Variants in LYRM4 observed in about 807,000 individuals in gnomAD.
The protein encoded by LYRM4 is LYR motif containing 4.
A neutral mutation model predicts 11.7 loss-of-function variants in LYRM4; 9 were observed. The ratio of observed to expected loss-of-function variants is 0.77; its 90% CI spans 0.46 to 1.34. LYRM4 has a LOEUF of 1.34. Ranked by LOEUF, LYRM4 falls within the 40% of genes most tolerant of loss-of-function variation. The pLI is 0.00. For missense variants in LYRM4, 133 were observed against 112.5 expected (o/e 1.18, Z -0.82); for synonymous variants, 42 against 40.4 (o/e 1.04, Z -0.15).
At chr6:5,253,029 T>C (rs1000533767) in intron 1 of LYRM4, among the ~76,000 whole-genome samples, 11 of 152,240 alleles carry the variant, frequency 7.2e-5, no homozygotes, top group Non-Finnish European at 1.6e-4. Flanking sequence ...CTATGGCCTT[T>C]CCTTTGTACT....
At chr6:5,051,989 T>C in the LYRM4 span, among the ~76,000 whole-genome samples, 1 of 152,174 alleles carries the variant, frequency 6.6e-6, no homozygotes, top group Non-Finnish European at 1.5e-5. Context: ...AATCTATTCA[T>C]GAAGTGTCTG....
the LYRM4 span, among the ~76,000 whole-genome samples, chr6:5,052,798 A>T: frequency 6.6e-6 from 1 of 152,232 alleles, no homozygotes; most frequent in African/African-American, 2.4e-5. Context: ...GAGGCAGCTT[A>T]TGCTGTCTAA....
intron 2 of LYRM4, among the ~76,000 whole-genome samples, chr6:5,154,640 C>A (rs761341151): frequency 6.6e-6 from 1 of 152,134 alleles, no homozygotes; most frequent in African/African-American, 2.4e-5. Context: ...CACTGTGAAA[C>A]CCTGTCTGTA....
At chr6:5,141,762 C>T (rs527757000) in intron 2 of LYRM4, among the ~76,000 whole-genome samples, 13 of 152,194 alleles carry the variant, frequency 8.5e-5, no homozygotes, top group South Asian at 8.3e-4. Context: ...CAAACTGAAC[C>T]GTGACCCTCA....
intron 2 of LYRM4, among the ~76,000 whole-genome samples, chr6:5,124,417 T>A (rs1374039836): frequency 1.3e-5 from 2 of 152,188 alleles, no homozygotes; most frequent in Non-Finnish European, 2.9e-5. Flanking sequence ...AGAGAAAAGG[T>A]TTCTTTCCTA....
chr6:5,077,423 G>T, the LYRM4 span, among the ~76,000 whole-genome samples: 1 of 152,198 alleles, frequency 6.6e-6, no homozygotes, highest in Non-Finnish European at 1.5e-5. Flanking sequence ...GACAGGACCT[G>T]CTCCGGGTGA....
At chr6:5,033,003 C>T in the LYRM4 span, 14 of 152,518 alleles carry the variant, frequency 9.2e-5, no homozygotes, top group Middle Eastern at 3.3e-3. Context: ...GATCCTGGCA[C>T]TGCCCACTCT....
the LYRM4 span, among the ~76,000 whole-genome samples, chr6:5,055,421 A>G: frequency 6.6e-6 from 1 of 152,226 alleles, no homozygotes; most frequent in Non-Finnish European, 1.5e-5. The surrounding 1 kb of genome is among the most constrained non-coding windows in gnomAD (Gnocchi z 4.5). Context: ...TAGAAATGGG[A>G]GTAAGAGTAG....
intron 2 of LYRM4, among the ~76,000 whole-genome samples, chr6:5,180,652 C>G (rs1205519029): frequency 6.6e-6 from 1 of 152,220 alleles, no homozygotes; most frequent in African/African-American, 2.4e-5. Context: ...TCCTATTTTC[C>G]TGGCCCAGAG....
At chr6:5,055,876 A>G in the LYRM4 span, among the ~76,000 whole-genome samples, 3 of 152,206 alleles carry the variant, frequency 2.0e-5, no homozygotes, top group East Asian at 3.8e-4. This position sits in a 1 kb window ranked among gnomAD's most constrained non-coding sequence, Gnocchi z 4.5. Context: ...CCTGCCAGAT[A>G]GACCTACTAG....
At chr6:5,086,511 C>T in the LYRM4 span, 42 of 1,534,876 alleles carry the variant, frequency 2.7e-5, no homozygotes, top group Non-Finnish European at 2.5e-5. Flanking sequence ...GGGACAACAA[C>T]GCGGGCGCCA....
chr6:5,085,978 C>G, the LYRM4 span: 3 of 1,526,732 alleles, frequency 2.0e-6, no homozygotes, highest in Non-Finnish European at 1.7e-6. Context: ...CTCGCGCCTC[C>G]GAAGCTTCCC....
the LYRM4 span, chr6:5,084,522 CG>C: frequency 6.6e-6 from 1 of 151,856 alleles, no homozygotes; most frequent in African/African-American, 2.4e-5. Flanking sequence ...CGCGGACTCG[CG>C]GGCGCGTCGG....
At chr6:5,167,516 C>T (rs1759156834) in intron 2 of LYRM4, among the ~76,000 whole-genome samples, 1 of 152,214 alleles carries the variant, frequency 6.6e-6, no homozygotes, top group African/African-American at 2.4e-5. Flanking sequence ...GCCTTTTTAA[C>T]AGCAACTCCT....
At chr6:5,087,113 C>G in the LYRM4 span, 1 of 153,066 alleles carries the variant, frequency 6.5e-6, no homozygotes, top group East Asian at 1.9e-4. Flanking sequence ...CCAGGCCACC[C>G]TTTTCTTTTG....
At chr6:5,179,053 A>G (rs1206746134) in intron 2 of LYRM4, among the ~76,000 whole-genome samples, 3 of 112,698 alleles carry the variant, frequency 2.7e-5, no homozygotes, top group African/African-American at 1.1e-4. Context: ...AAAAACAAAC[A>G]AACCAAAAAA....
chr6:5,259,412 C>T (rs1764845089), intron 1 of LYRM4, among the ~76,000 whole-genome samples: 1 of 152,214 alleles, frequency 6.6e-6, no homozygotes, highest in South Asian at 2.1e-4. Context: ...TAAAATCATT[C>T]TCTCCCGTGA....
At chr6:5,102,064 A>G (rs1382016251), downstream of LYRM4, among the ~76,000 whole-genome samples, 1 of 140,330 alleles carries the variant, frequency 7.1e-6, no homozygotes, top group East Asian at 2.1e-4. Flanking sequence ...AAGTGTTGGG[A>G]TTAAAGGTGT....
At chr6:5,238,524 T>C (rs1357863847) in intron 1 of LYRM4, among the ~76,000 whole-genome samples, 5 of 152,248 alleles carry the variant, frequency 3.3e-5, no homozygotes, top group Non-Finnish European at 7.3e-5. Context: ...CATAAGCATT[T>C]AAATAGGAGT....
Sources: allele counts gnomAD v4.1 joint callset (sites outside exome capture counted in the v4.1 genomes callset), GRCh38; gene constraint gnomAD v4.1.1; non-coding constraint Gnocchi (gnomAD v3.1); transcripts MANE v1.5; gene names NCBI Gene and HGNC (gene_info 2026-07-23, HGNC 2026-07-21).